The following CEP83 variants were observed in gnomAD, a reference collection of about 807,000 sequenced individuals.
CEP83 encodes the protein centrosomal protein 83, also known as centrosomal protein of 83 kDa.
A neutral mutation model predicts 101.9 loss-of-function variants in CEP83; 70 were observed. The observed-to-expected ratio is 0.69, with a 90% confidence interval of 0.57 to 0.84. The LOEUF (loss-of-function observed/expected upper bound fraction) is 0.84. Among genes scored for constraint, CEP83 ranks in the 40% least tolerant of loss-of-function variants. The pLI is 0.00. For missense variants in CEP83, 715 were observed against 787.2 expected (o/e 0.91, Z 1.10); for synonymous variants, 264 against 267.9 (o/e 0.99, Z 0.14).
At chr12:94,316,369 T>C (rs1216154721) in intron 14 of CEP83, among the ~76,000 whole-genome samples, 4 of 150,134 alleles carry the variant, frequency 2.7e-5, no homozygotes, top group African/African-American at 9.8e-5. Flanking sequence ...AATAGTTTGA[T>C]AGGTTTGACT....
intron 6 of CEP83, among the ~76,000 whole-genome samples, chr12:94,395,961 A>C (rs1050310505): frequency 5.3e-5 from 8 of 152,166 alleles, no homozygotes; most frequent in South Asian, 2.1e-4. Flanking sequence ...GATGGAAGAA[A>C]CTCAGTGACC....
rs1208161014 is a variant in CEP83 at position 94,380,084 on chromosome 12, AAAAAAAC to A, written c.550-1049_550-1043del. On this transcript the variant is annotated intron_variant, in intron 6 of 16. Coordinates refer to ENST00000397809, the MANE Select transcript of CEP83 (RefSeq NM_016122.3). ...TCCCCGGCCCTGCAAAAAAAAAAAA[AAAAAAAC>A]AAAAAACAAAAACAGAAAAAACTAA... Among the ~76,000 whole-genome samples the A allele has an allele frequency of 4.5e-3, 574 of 126,454 alleles. 3 individuals are homozygous for A. Among genetic ancestry groups the A allele is most frequent in the Middle Eastern group, 0.013 (3 of 228 alleles). 83.0% of individuals were successfully genotyped at this position (126,454 alleles called of 152,430 possible).
At chr12:94,369,708 T>G (rs1220517090) in intron 9 of CEP83, 3 of 366,506 alleles carry the variant, frequency 8.2e-6, no homozygotes, top group African/African-American at 2.1e-5. Context: ...CCAATAACTA[T>G]GATAAAAACA....
chr12:94,392,750 T>A (rs936892535), intron 6 of CEP83, among the ~76,000 whole-genome samples: 1 of 150,758 alleles, frequency 6.6e-6, no homozygotes, highest in Admixed American at 6.6e-5. Context: ...CTAGCAAGAC[T>A]AATAAAGAAT....
At chr12:94,278,088 A>G in the CEP83 span, 3 of 455,594 alleles carry the variant, frequency 6.6e-6, no homozygotes, top group East Asian at 2.1e-4. Context: ...ATGGGCGAGC[A>G]TCTTCCTTCT....
chr12:94,308,197 CTCTAT>C lies in CEP83; in HGVS notation c.*611_*615del, dbSNP rs1969279842. 1 of 152,086 alleles carries C rather than the reference CTCTAT, an allele frequency of 6.6e-6. No homozygotes were observed. The highest frequency in any genetic ancestry group is 2.1e-4 in the South Asian group (1 of 4,832). 9.4% of individuals were successfully genotyped at this position (152,086 alleles called of 1,614,324 possible). A position where few individuals can be genotyped will look rare whatever the true frequency, so the allele number is the denominator to read the frequency against. On this transcript the variant is annotated 3_prime_UTR_variant, in exon 17 of 17. Transcript: ENST00000397809. The stretch of plus-strand genomic sequence containing the variant: ...TAGGATTTAATTATTTGCACTTATT[CTCTAT>C]TCTAACAAAGCCAAAATCAGTAGAC...
At chr12:94,373,548 A>T (rs767455626) in intron 8 of CEP83, among the ~76,000 whole-genome samples, 11 of 152,216 alleles carry the variant, frequency 7.2e-5, no homozygotes, top group Admixed American at 3.3e-4. Flanking sequence ...CAATTAATTT[A>T]GGTAAATAAG....
At chr12:94,412,823 G>A (rs1292178170) in intron 2 of CEP83, among the ~76,000 whole-genome samples, 16 of 150,880 alleles carry the variant, frequency 1.1e-4, no homozygotes, top group Admixed American at 1.3e-4. Context: ...TGAATAGCTG[G>A]GATTACAGGC....
chr12:94,305,327 G>C, downstream of CEP83: 2 of 1,220,018 alleles, frequency 1.6e-6, no homozygotes, highest in Non-Finnish European at 2.4e-6. Flanking sequence ...TTCTTCAGAC[G>C]ACTTGGGAGC....
intron 6 of CEP83, among the ~76,000 whole-genome samples, chr12:94,394,029 C>T (rs545080878): frequency 1.7e-4 from 26 of 152,204 alleles, no homozygotes; most frequent in Non-Finnish European, 2.4e-4. Flanking sequence ...GAATCAATAT[C>T]GTGAAAATGG....
chr12:94,449,595 A>C (rs1340607011), intron 1 of CEP83, among the ~76,000 whole-genome samples: 1 of 149,594 alleles, frequency 6.7e-6, no homozygotes, highest in Admixed American at 6.7e-5. Context: ...GTCTCTACAA[A>C]AAATACCGAA....
rs543713030 is a variant in CEP83, at chr12:94,391,969, G to A, written c.549+8881C>T. 2.0e-5 allele frequency among the ~76,000 whole-genome samples: 3 copies of A among 152,284 alleles called. 1 individual carries two copies. In the South Asian group the frequency reaches 6.2e-4, roughly 32 times the overall value. On this transcript the variant is annotated intron_variant, in intron 6 of 16. Transcript: ENST00000397809. ...CCTAAATACATATGCACCCAATATAGGAGCACCCAGATTCATAAAGTAAGT... is the reference window on the plus strand; with the variant it reads ...CCTAAATACATATGCACCCAATATAAGAGCACCCAGATTCATAAAGTAAGT...
At chr12:94,437,854 T>G (rs530419721) in intron 1 of CEP83, among the ~76,000 whole-genome samples, 11 of 152,230 alleles carry the variant, frequency 7.2e-5, no homozygotes, top group African/African-American at 2.4e-4. Context: ...CAGCAACTAG[T>G]ATGATGAATA....
At chr12:94,359,693 C>A (rs2136912739) in intron 11 of CEP83, among the ~76,000 whole-genome samples, 1 of 152,240 alleles carries the variant, frequency 6.6e-6, no homozygotes, top group African/African-American at 2.4e-5. Context: ...CTGCTGAATT[C>A]TACCAAACTT....
intron 1 of CEP83, among the ~76,000 whole-genome samples, chr12:94,438,213 T>C (rs149167218): frequency 6.8e-6 from 1 of 147,990 alleles, no homozygotes; most frequent in African/African-American, 2.5e-5. Flanking sequence ...AGTGAGACTG[T>C]CCCAATTAAA....
At chr12:94,407,570 C>A (rs1019406021) in intron 4 of CEP83, among the ~76,000 whole-genome samples, 1 of 152,184 alleles carries the variant, frequency 6.6e-6, no homozygotes, top group African/African-American at 2.4e-5. Context: ...TAATAGCATA[C>A]AACAGTTTAG....
At chr12:94,441,359 G>T (rs1051253665) in intron 1 of CEP83, among the ~76,000 whole-genome samples, 1 of 152,100 alleles carries the variant, frequency 6.6e-6, no homozygotes, top group Non-Finnish European at 1.5e-5. Context: ...CAAAAATTAG[G>T]GAAAGGACAT....
At chr12:94,360,560 A>G (rs1483185108) in intron 11 of CEP83, among the ~76,000 whole-genome samples, 1 of 152,020 alleles carries the variant, frequency 6.6e-6, no homozygotes, top group Non-Finnish European at 1.5e-5. Flanking sequence ...AGGAGGTAAA[A>G]GATCTCTAAA....
intron 2 of CEP83, among the ~76,000 whole-genome samples, chr12:94,415,220 A>T (rs1448902090): frequency 1.3e-5 from 2 of 152,034 alleles, no homozygotes; most frequent in East Asian, 1.9e-4. Flanking sequence ...ATTTTTGTAT[A>T]AAAAAACTTA....
Sources: allele counts gnomAD v4.1 joint callset (sites outside exome capture counted in the v4.1 genomes callset), GRCh38; gene constraint gnomAD v4.1.1; transcripts MANE v1.5; gene names NCBI Gene and HGNC (gene_info 2026-07-23, HGNC 2026-07-21).